Variants in KHDRBS2 observed in about 807,000 individuals in gnomAD.
KHDRBS2 encodes the protein KH RNA binding domain containing, signal transduction associated 2.
In KHDRBS2, 26 loss-of-function variants were observed where a neutral mutation model predicts 44.3. The ratio of observed to expected loss-of-function variants is 0.59; its 90% CI spans 0.43 to 0.81. The LOEUF (loss-of-function observed/expected upper bound fraction) is 0.81, where lower values mean the gene tolerates loss of function less well. Ranked by LOEUF, KHDRBS2 falls within the 40% of genes least tolerant of loss-of-function variation. The probability of loss-of-function intolerance (pLI) is 0.00; values close to 1 mark genes in which losing one functional copy is unlikely to be tolerated. For synonymous variants in KHDRBS2, 194 were observed against 151.1 expected (o/e 1.28, Z -2.08); for missense variants, 476 against 433.1 (o/e 1.10, Z -0.88).
intron 1 of KHDRBS2, among the ~76,000 whole-genome samples, chr6:62,197,612 G>T (rs966875221): frequency 5.9e-5 from 9 of 152,104 alleles, no homozygotes; most frequent in Admixed American, 2.6e-4. Context: ...CCTCTAGTGT[G>T]TCTAGTGGAG....
intron 6 of KHDRBS2, among the ~76,000 whole-genome samples, chr6:61,796,440 A>C (rs1785360652): frequency 6.6e-6 from 1 of 152,062 alleles, no homozygotes. Context: ...CAGAATATTC[A>C]TTATCTGCCA....
intron 4 of KHDRBS2, among the ~76,000 whole-genome samples, chr6:61,954,666 G>C (rs377163571): frequency 7.9e-6 from 1 of 125,844 alleles, no homozygotes; most frequent in Non-Finnish European, 1.7e-5. Flanking sequence ...ATACATATGT[G>C]TATATACACA....
rs184621164 is a variant in KHDRBS2, at chr6:61,749,094, A to G, written c.811-16330T>C. ...GTGGCACAATCTCGGCTCACTGCAA[A>G]CTCCGCCTCCCAGGTTCACACCATT... is the stretch of plus-strand genomic sequence containing the variant. On this transcript the variant is annotated intron_variant, in intron 6 of 8. Transcript: ENST00000281156. Among the ~76,000 whole-genome samples, 29 of 142,006 alleles carry G rather than the reference A, an allele frequency of 2.0e-4. No homozygotes were observed. The East Asian group carries it at 5.4e-3, about 26-fold the overall frequency. 93.2% of individuals were successfully genotyped at this position (142,006 alleles called of 152,430 possible).
At position 61,897,635 on chromosome 6, in the gene KHDRBS2, C is replaced by T. The variant is rs137963242; in HGVS notation, c.612-2802G>A. Among the ~76,000 whole-genome samples, 168 of 152,138 alleles carry T rather than the reference C, an allele frequency of 1.1e-3. No homozygotes were observed. In the East Asian group the frequency reaches 0.028, roughly 26 times the overall value. ...CTATCCCTGTCTATTCCAAATGCTG[C>T]TCATTTTTATCTGCCTTGGATGATG... On this transcript the variant is annotated intron_variant, in intron 5 of 8. Coordinates refer to ENST00000281156, the MANE Select transcript of KHDRBS2 (RefSeq NM_152688.4).
At chr6:61,557,352 G>A in the KHDRBS2 span, among the ~76,000 whole-genome samples, 1,677 of 152,190 alleles carry the variant, frequency 0.011, 19 homozygotes, top group Middle Eastern at 0.085. Context: ...TGAAGAAAGC[G>A]AAATAAAGTG....
intron 7 of KHDRBS2, among the ~76,000 whole-genome samples, chr6:61,723,663 G>A (rs774256768): frequency 6.6e-5 from 10 of 152,004 alleles, no homozygotes; most frequent in Admixed American, 1.3e-4. Context: ...AACTCAATAC[G>A]AGAACGTCAC....
chr6:61,702,475 T>C (rs535431237), intron 7 of KHDRBS2, among the ~76,000 whole-genome samples: 2 of 152,084 alleles, frequency 1.3e-5, no homozygotes, highest in Non-Finnish European at 2.9e-5. Flanking sequence ...TATGGAAGCT[T>C]AGTCCATATC....
chr6:61,544,547 TA>T, the KHDRBS2 span, among the ~76,000 whole-genome samples: 1 of 152,132 alleles, frequency 6.6e-6, no homozygotes, highest in Non-Finnish European at 1.5e-5. Context: ...CAACTAGGTT[TA>T]ACTGGGGAAA....
chr6:62,037,133 A>G (rs1055854464), intron 3 of KHDRBS2, among the ~76,000 whole-genome samples: 3 of 151,948 alleles, frequency 2.0e-5, no homozygotes, highest in Non-Finnish European at 4.4e-5. Flanking sequence ...GTTTCTACAT[A>G]GTTTCTTTAG....
the KHDRBS2 span, among the ~76,000 whole-genome samples, chr6:61,548,512 G>A: frequency 6.6e-6 from 1 of 152,098 alleles, no homozygotes; most frequent in African/African-American, 2.4e-5. Flanking sequence ...TACAATTTAA[G>A]CACTAGCAAG....
At chr6:62,145,652 A>G (rs1813774389) in intron 2 of KHDRBS2, among the ~76,000 whole-genome samples, 2 of 151,902 alleles carry the variant, frequency 1.3e-5, no homozygotes, top group Admixed American at 6.6e-5. Flanking sequence ...ATTTTAACAC[A>G]TCAATGTTAA....
chr6:62,274,858 A>G (rs1184889819), intron 1 of KHDRBS2, among the ~76,000 whole-genome samples: 1 of 152,098 alleles, frequency 6.6e-6, no homozygotes, highest in Non-Finnish European at 1.5e-5. Context: ...ATAAGAACCA[A>G]TTGGGTCAAG....
At chr6:62,167,456 C>T (rs889818720) in intron 2 of KHDRBS2, among the ~76,000 whole-genome samples, 3 of 152,066 alleles carry the variant, frequency 2.0e-5, no homozygotes, top group African/African-American at 7.2e-5. Context: ...AAATTCTAGA[C>T]ATAATACCAC....
chr6:61,689,612 C>A (rs1333127255), intron 8 of KHDRBS2, among the ~76,000 whole-genome samples: 7 of 151,902 alleles, frequency 4.6e-5, no homozygotes, highest in Non-Finnish European at 8.8e-5. Context: ...TTCTGGATAC[C>A]AAAAGCCTCT....
chr6:61,543,013 A>C, the KHDRBS2 span, among the ~76,000 whole-genome samples: 1 of 152,152 alleles, frequency 6.6e-6, no homozygotes, highest in East Asian at 1.9e-4. Context: ...GAAACTCCTA[A>C]AATAAACATC....
At chr6:61,715,286 A>G (rs1562014910) in intron 7 of KHDRBS2, among the ~76,000 whole-genome samples, 1 of 151,902 alleles carries the variant, frequency 6.6e-6, no homozygotes, top group Non-Finnish European at 1.5e-5. Flanking sequence ...TGCAGAAAAA[A>G]GATGATTTTT....
intron 2 of KHDRBS2, among the ~76,000 whole-genome samples, chr6:62,075,079 T>C (rs1562797681): frequency 6.6e-6 from 1 of 151,910 alleles, no homozygotes; most frequent in East Asian, 1.9e-4. Flanking sequence ...ATTTTGTAAA[T>C]AGAGTAGTTT....
At chr6:61,690,104 T>C (rs1767229479) in intron 8 of KHDRBS2, among the ~76,000 whole-genome samples, 1 of 151,994 alleles carries the variant, frequency 6.6e-6, no homozygotes, top group Admixed American at 6.6e-5. Flanking sequence ...TCTTTTTTTC[T>C]TTTAATCATG....
chr6:62,157,878 CT>C (rs1370195687), intron 2 of KHDRBS2, among the ~76,000 whole-genome samples: 2 of 152,150 alleles, frequency 1.3e-5, no homozygotes, highest in African/African-American at 2.4e-5. Context: ...TAGCTTCCCC[CT>C]TTTCTTCAAT....
Sources: gnomAD v4.1 joint callset for allele counts (sites outside exome capture counted in the v4.1 genomes callset) on GRCh38, gnomAD v4.1.1 for gene constraint, MANE v1.5 for transcripts, NCBI Gene and HGNC (gene_info 2026-07-23, HGNC 2026-07-21) for gene names.